RNF43: variants seen among roughly 807,000 people sequenced by gnomAD.
The protein encoded by RNF43 is ring finger protein 43, also known as E3 ubiquitin-protein ligase RNF43.
Under a neutral mutation model 78.4 loss-of-function variants are expected in RNF43, and 37 were observed. That is an observed-to-expected ratio of 0.47 (90% confidence interval 0.36 to 0.62). The LOEUF is 0.62. RNF43 is among the 20% of genes least tolerant of loss of function. RNF43 has a pLI of 0.00. For synonymous variants in RNF43, 347 were observed against 395.0 expected (o/e 0.88, Z 1.44); for missense variants, 774 against 1,007.9 (o/e 0.77, Z 3.14).
rs1003725698 is a variant in RNF43, at chr17:58,370,793, C to A, written c.375+118G>T. 6.6e-6 allele frequency: 8 copies of A among 1,210,740 alleles called. No individual in the cohort carries two copies. In the East Asian group the frequency reaches 1.1e-4, roughly 17 times the overall value. The allele number at this position is 1,210,740 out of a possible 1,614,324, so 75.0% of individuals were successfully genotyped here. A position where few individuals can be genotyped will look rare whatever the true frequency, so the allele number is the denominator to read the frequency against. ...TCAGACCAGTCATGGGTTAGGGAAA[C>A]CCAAGGGAATCAGGTACATCACTCT... On this transcript the variant is annotated intron_variant, in intron 3 of 9. Coordinates refer to ENST00000407977, the MANE Select transcript of RNF43 (RefSeq NM_017763.6).
chr17:58,377,908 T>C (rs1973239647), intron 2 of RNF43, among the ~76,000 whole-genome samples: 1 of 151,996 alleles, frequency 6.6e-6, no homozygotes, highest in South Asian at 2.1e-4. Context: ...ACCTGAACTT[T>C]TATCTTAGGT....
chr17:58,360,349 A>G lies in RNF43; in HGVS notation c.850-98T>C. ...CAACTCCCTTAGGCCTCTCCTTGCTATTATCTACTTGTAAAAGACCTCACA... is the reference window on the plus strand; with the variant it reads ...CAACTCCCTTAGGCCTCTCCTTGCTGTTATCTACTTGTAAAAGACCTCACA... On this transcript the variant is annotated intron_variant, in intron 7 of 9. Coordinates refer to ENST00000407977, the MANE Select transcript of RNF43 (RefSeq NM_017763.6). The surrounding 1 kb of genome is among the most constrained non-coding windows in gnomAD (Gnocchi z 4.3). 1 of 814,656 alleles carries G rather than the reference A, an allele frequency of 1.2e-6. No homozygotes were observed. The highest frequency in any genetic ancestry group is 1.5e-5 in the South Asian group (1 of 66,668). The allele number at this position is 814,656 out of a possible 1,614,324, so 50.5% of individuals were successfully genotyped here. A position where few individuals can be genotyped will look rare whatever the true frequency, so the allele number is the denominator to read the frequency against.
chr17:58,368,866 G>A (rs936465257), intron 3 of RNF43, among the ~76,000 whole-genome samples: 3 of 152,106 alleles, frequency 2.0e-5, no homozygotes, highest in Non-Finnish European at 4.4e-5. Context: ...AGGTAAGCCC[G>A]TGGAACCTCT....
chr17:58,364,746 T>C (rs1303356213), intron 3 of RNF43, among the ~76,000 whole-genome samples: 2 of 152,178 alleles, frequency 1.3e-5, no homozygotes, highest in Non-Finnish European at 2.9e-5. Context: ...GAGTTAACCC[T>C]CCTGCAAGTA....
intron 2 of RNF43, among the ~76,000 whole-genome samples, chr17:58,373,420 A>G (rs147666129): frequency 1.2e-4 from 18 of 152,360 alleles, no homozygotes; most frequent in African/African-American, 4.3e-4. Context: ...CTATGGAAGA[A>G]GGAATGGAAG....
Position 58,415,979 on chromosome 17 carries a change from T to C in RNF43, c.-385-17A>G, listed in dbSNP as rs1974115236. ...TGCCAGGCACTAAACCCAATGTTCATGAACAAAACAAGGCAAAGTAAACAG... is the reference window on the plus strand; with the variant it reads ...TGCCAGGCACTAAACCCAATGTTCACGAACAAAACAAGGCAAAGTAAACAG... On this transcript the variant is annotated splice_polypyrimidine_tract_variant and intron_variant, in intron 1 of 9. Transcript: ENST00000407977. 3 of 282,634 alleles carry C rather than the reference T, an allele frequency of 1.1e-5. No homozygotes were observed. In the South Asian group the frequency reaches 2.0e-4, roughly 18 times the overall value. The allele number at this position is 282,634 out of a possible 1,614,324, so 17.5% of individuals were successfully genotyped here.
At chr17:58,385,002 GACAA>G (rs1348257994) in intron 2 of RNF43, among the ~76,000 whole-genome samples, 1 of 152,196 alleles carries the variant, frequency 6.6e-6, no homozygotes, top group Non-Finnish European at 1.5e-5. Context: ...GCTACAGCAA[GACAA>G]ACAGCCCTAA....
chr17:58,414,633 C>T (rs1173612843), intron 2 of RNF43, among the ~76,000 whole-genome samples: 4 of 152,202 alleles, frequency 2.6e-5, no homozygotes, highest in Admixed American at 2.0e-4. Context: ...GCAAAATTCA[C>T]AGCCTGAAAG....
At chr17:58,374,301 T>G (rs1280020019) in intron 2 of RNF43, among the ~76,000 whole-genome samples, 1 of 152,124 alleles carries the variant, frequency 6.6e-6, no homozygotes, top group Non-Finnish European at 1.5e-5. Flanking sequence ...CTAAGAAAAT[T>G]TATCTTACTA....
intron 2 of RNF43, among the ~76,000 whole-genome samples, chr17:58,402,106 T>C (rs1567894716): frequency 6.6e-6 from 1 of 152,224 alleles, no homozygotes. Context: ...TGATTATTTT[T>C]ACCAGGTTTG....
chr17:58,386,099 C>A (rs1459173797), intron 2 of RNF43, among the ~76,000 whole-genome samples: 5 of 146,816 alleles, frequency 3.4e-5, no homozygotes. Flanking sequence ...AAGACCTTGT[C>A]CCTAAAAAAA....
chr17:58,355,955 A>T (rs766482519), intron 9 of RNF43, among the ~76,000 whole-genome samples: 7 of 152,232 alleles, frequency 4.6e-5, no homozygotes, highest in Non-Finnish European at 1.0e-4. Flanking sequence ...AGATACAGTT[A>T]ACAGAATCTG....
In RNF43 at chr17:58,363,599, G is replaced by A. The variant is rs778962170; in HGVS notation, c.377C>T (p.Ala126Val). The change falls in exon 4 of 10, where the codon GCT becomes GTT. Residue 126 changes from alanine (A) to valine (V), a missense_variant and splice_region_variant. Ala to Val is a moderately conservative substitution (Grantham distance 64). Coordinates refer to ENST00000407977, the MANE Select transcript of RNF43 (RefSeq NM_017763.6). ...PRPCLSLASK[A>V]RMAGERGASA... ...GGCTCCTCGCTCACCCGCCATCCGA[G>A]CCTGCAGAGGCACACAGTAGAGGTT... 4.3e-6 allele frequency: 7 copies of A among 1,610,594 alleles called. No individual in the cohort carries two copies. In the East Asian group the frequency reaches 1.3e-4, roughly 31 times the overall value.
chr17:58,378,282 G>A (rs1973247333), intron 2 of RNF43, among the ~76,000 whole-genome samples: 2 of 152,106 alleles, frequency 1.3e-5, no homozygotes, highest in Non-Finnish European at 2.9e-5. Flanking sequence ...TTTTGAGATA[G>A]GGTCTTGCTC....
At chr17:58,390,960 T>A (rs1157945842) in intron 2 of RNF43, among the ~76,000 whole-genome samples, 1 of 152,212 alleles carries the variant, frequency 6.6e-6, no homozygotes, top group East Asian at 1.9e-4. Context: ...TAGCACTTAT[T>A]ATAAATTCTC....
chr17:58,361,432 C>A (rs1437877241), intron 6 of RNF43, among the ~76,000 whole-genome samples: 1 of 152,118 alleles, frequency 6.6e-6, no homozygotes, highest in Non-Finnish European at 1.5e-5. Context: ...CAAAATATAC[C>A]CAGAGCCTAA....
intron 3 of RNF43, among the ~76,000 whole-genome samples, chr17:58,369,143 G>A (rs1567879668): frequency 6.6e-6 from 1 of 152,116 alleles, no homozygotes; most frequent in Non-Finnish European, 1.5e-5. Flanking sequence ...CTGGGAACTT[G>A]TTTACCAAAT....
chr17:58,394,294 G>C (rs1973627120), intron 2 of RNF43, among the ~76,000 whole-genome samples: 1 of 152,188 alleles, frequency 6.6e-6, no homozygotes, highest in African/African-American at 2.4e-5. Flanking sequence ...GTGAATTTTA[G>C]AAGAAATTTC....
At position 58,357,820 on chromosome 17, in the gene RNF43, T is replaced by C. The variant is rs751668680; in HGVS notation, c.1956A>G (p.Pro652=). ...LQKSSLSARH[P]QRKRRGGPSE... The stretch of plus-strand genomic sequence containing the variant: ...AGGGACCCCCCCGCCTTTTCCTCTG[T>C]GGGTGTCGGGCAGAGAGGCTGGATT... Residue 652 remains proline (P), a synonymous_variant, in exon 9 of 10, where the codon CCA becomes CCG. Coordinates refer to ENST00000407977, the MANE Select transcript of RNF43 (RefSeq NM_017763.6). The surrounding 1 kb of genome is among the most constrained non-coding windows in gnomAD (Gnocchi z 4.5). The C allele has an allele frequency of 6.2e-7, 1 of 1,613,962 alleles. No homozygotes were observed. The highest frequency in any genetic ancestry group is 8.5e-7 in the Non-Finnish European group (1 of 1,179,976).
Sources: allele counts gnomAD v4.1 joint callset (sites outside exome capture counted in the v4.1 genomes callset), GRCh38; gene constraint gnomAD v4.1.1; non-coding constraint Gnocchi (gnomAD v3.1); transcripts MANE v1.5; gene names NCBI Gene and HGNC (gene_info 2026-07-23, HGNC 2026-07-21).